Variants in IMMP2L observed in about 807,000 individuals in gnomAD.
The protein encoded by IMMP2L is inner mitochondrial membrane peptidase subunit 2.
In IMMP2L, 18 loss-of-function variants were observed where a neutral mutation model predicts 19.3. The ratio of observed to expected loss-of-function variants is 0.93; its 90% confidence interval spans 0.64 to 1.38. The LOEUF (loss-of-function observed/expected upper bound fraction) is 1.38. Ranked by LOEUF, IMMP2L falls within the 40% of genes most tolerant of loss-of-function variation. IMMP2L has a pLI of 0.00. For missense variants in IMMP2L, 233 were observed against 218.2 expected, an observed-to-expected ratio of 1.07 and a Z score of -0.43; for synonymous variants, 76 against 73.0, an observed-to-expected ratio of 1.04 and a Z score of -0.21.
At chr7:111,016,854 ATT>A (rs1563163343) in intron 3 of IMMP2L, among the ~76,000 whole-genome samples, 3 of 86,046 alleles carry the variant, frequency 3.5e-5, no homozygotes, top group East Asian at 3.3e-4. Flanking sequence ...TATAATATAT[ATT>A]ATATAATATA....
At chr7:111,148,986 T>A (rs935944177) in intron 3 of IMMP2L, among the ~76,000 whole-genome samples, 19 of 151,998 alleles carry the variant, frequency 1.3e-4, no homozygotes, top group African/African-American at 4.4e-4. Context: ...ACAGATAGAG[T>A]AAATAAAATT....
At chr7:110,990,477 AG>A (rs1161416929) in intron 3 of IMMP2L, among the ~76,000 whole-genome samples, 1 of 152,224 alleles carries the variant, frequency 6.6e-6, no homozygotes, top group African/African-American at 2.4e-5. Flanking sequence ...TAATTATTTT[AG>A]TTATACCCTA....
At chr7:111,174,906 A>C (rs1201863836) in intron 3 of IMMP2L, among the ~76,000 whole-genome samples, 3 of 151,790 alleles carry the variant, frequency 2.0e-5, no homozygotes, top group African/African-American at 7.2e-5. Flanking sequence ...AAAGAATATA[A>C]AGCCAATAAA....
At chr7:111,379,316 T>G (rs1167292566) in intron 3 of IMMP2L, among the ~76,000 whole-genome samples, 1 of 151,662 alleles carries the variant, frequency 6.6e-6, no homozygotes, top group Non-Finnish European at 1.5e-5. Flanking sequence ...AAATGAAAAT[T>G]TATATTCCAG....
At chr7:110,729,007 C>T (rs1414903881) in intron 5 of IMMP2L, among the ~76,000 whole-genome samples, 1 of 152,150 alleles carries the variant, frequency 6.6e-6, no homozygotes, top group Non-Finnish European at 1.5e-5. Context: ...TCTCCAGCCT[C>T]AGCCCCCTGA....
chr7:110,914,537 T>A (rs542178841), intron 4 of IMMP2L, among the ~76,000 whole-genome samples: 3 of 152,218 alleles, frequency 2.0e-5, no homozygotes, highest in Non-Finnish European at 4.4e-5. Context: ...GTTACCCATT[T>A]GTAAATTGCT....
At position 110,918,581 on chromosome 7, in the gene IMMP2L, G is replaced by A. The variant is rs1376925534; in HGVS notation, c.306-31886C>T. Reference sequence around the variant, plus strand: ...AGTGATTCTCCTGCCTCAGCCTCCCGAGAAGCTGGGATTACAGGCGTGTAC... The same window carrying A: ...AGTGATTCTCCTGCCTCAGCCTCCCAAGAAGCTGGGATTACAGGCGTGTAC... On this transcript the variant is annotated intron_variant, in intron 4 of 5. Transcript: ENST00000405709. 2.7e-5 allele frequency among the ~76,000 whole-genome samples: 4 copies of A among 150,640 alleles called. No individual in the cohort carries two copies. The East Asian group carries it at 7.9e-4, about 30-fold the overall frequency.
intron 3 of IMMP2L, among the ~76,000 whole-genome samples, chr7:111,185,556 A>G (rs1170639297): frequency 6.6e-6 from 1 of 152,142 alleles, no homozygotes; most frequent in Non-Finnish European, 1.5e-5. Flanking sequence ...CTAACAATTA[A>G]CCACAAAAAT....
intron 3 of IMMP2L, among the ~76,000 whole-genome samples, chr7:111,272,621 A>C (rs975594938): frequency 2.6e-5 from 4 of 152,180 alleles, no homozygotes; most frequent in Admixed American, 6.6e-5. Flanking sequence ...GACTATTATA[A>C]AAATTTTTAT....
At chr7:111,192,000 G>C (rs555615746) in intron 3 of IMMP2L, among the ~76,000 whole-genome samples, 1 of 151,994 alleles carries the variant, frequency 6.6e-6, no homozygotes, top group Non-Finnish European at 1.5e-5. Context: ...AGAATCTGGC[G>C]AAAGGTAATG....
intron 3 of IMMP2L, among the ~76,000 whole-genome samples, chr7:110,986,772 T>C (rs977703066): frequency 2.6e-5 from 4 of 151,536 alleles, no homozygotes; most frequent in African/African-American, 7.3e-5. Context: ...ACCCCTCCAG[T>C]GTTGTGACAC....
At chr7:110,990,145 T>C (rs1822300727) in intron 3 of IMMP2L, among the ~76,000 whole-genome samples, 1 of 152,136 alleles carries the variant, frequency 6.6e-6, no homozygotes, top group South Asian at 2.1e-4. Flanking sequence ...GCCACACAAA[T>C]AAGGAATTTA....
intron 3 of IMMP2L, among the ~76,000 whole-genome samples, chr7:111,173,539 T>C (rs1806690775): frequency 6.6e-6 from 1 of 151,634 alleles, no homozygotes; most frequent in South Asian, 2.1e-4. Context: ...TGCCTGAATC[T>C]ACTGGTTACA....
intron 4 of IMMP2L, among the ~76,000 whole-genome samples, chr7:110,954,390 T>C (rs1818158166): frequency 1.3e-5 from 2 of 152,130 alleles, no homozygotes; most frequent in African/African-American, 4.8e-5. Context: ...CAAGAATTAA[T>C]CTTTGGCTTT....
chr7:110,998,199 T>C (rs548937783), intron 3 of IMMP2L, among the ~76,000 whole-genome samples: 17 of 152,274 alleles, frequency 1.1e-4, no homozygotes, highest in African/African-American at 3.8e-4. Context: ...TCCTTCTACT[T>C]CTCAAACCCA....
chr7:111,166,356 C>T (rs947116346), intron 3 of IMMP2L, among the ~76,000 whole-genome samples: 3 of 151,956 alleles, frequency 2.0e-5, no homozygotes, highest in African/African-American at 4.8e-5. Context: ...ACTAGGATTC[C>T]TCCCACCCTG....
At chr7:110,842,866 T>A (rs1805237176) in intron 5 of IMMP2L, among the ~76,000 whole-genome samples, 1 of 152,126 alleles carries the variant, frequency 6.6e-6, no homozygotes, top group Non-Finnish European at 1.5e-5. Flanking sequence ...AGGAAAGCAA[T>A]GGAAGAAATT....
chr7:111,072,400 C>T (rs866336799), intron 3 of IMMP2L, among the ~76,000 whole-genome samples: 4 of 152,098 alleles, frequency 2.6e-5, no homozygotes, highest in Admixed American at 1.3e-4. Flanking sequence ...TTGATGTCAC[C>T]GAATCTGGGG....
At chr7:111,082,446 C>T (rs1362200175) in intron 3 of IMMP2L, among the ~76,000 whole-genome samples, 1 of 152,178 alleles carries the variant, frequency 6.6e-6, no homozygotes, top group Non-Finnish European at 1.5e-5. Flanking sequence ...TGCTTGTTGG[C>T]ATTTTCAAGC....
Sources: allele counts gnomAD v4.1 joint callset (sites outside exome capture counted in the v4.1 genomes callset), GRCh38; gene constraint gnomAD v4.1.1; transcripts MANE v1.5; gene names NCBI Gene and HGNC (gene_info 2026-07-23, HGNC 2026-07-21).